Variants in NCOA1 observed in about 807,000 individuals in gnomAD.
NCOA1 encodes Hin-2 protein.
Under a neutral mutation model 150.9 loss-of-function variants are expected in NCOA1, and 35 were observed. The observed-to-expected ratio is 0.23, with a 90% confidence interval of 0.18 to 0.31. The LOEUF is 0.31. Ranked by LOEUF, NCOA1 falls within the 10% of genes least tolerant of loss-of-function variation. The pLI, the probability that NCOA1 is intolerant of heterozygous loss-of-function variation, is 1.00. For missense variants in NCOA1, 1,491 were observed against 1,749.3 expected (o/e 0.85, Z 2.63); for synonymous variants, 590 against 630.0 (o/e 0.94, Z 0.95).
intron 1 of NCOA1, among the ~76,000 whole-genome samples, chr2:24,527,241 T>C (rs1386149716): frequency 1.3e-5 from 2 of 152,218 alleles, no homozygotes; most frequent in South Asian, 2.1e-4. Context: ...ATAGTCCTGA[T>C]GTTGTACATT....
At chr2:24,533,335 G>A (rs1185428591) in intron 1 of NCOA1, among the ~76,000 whole-genome samples, 4 of 152,162 alleles carry the variant, frequency 2.6e-5, no homozygotes, top group African/African-American at 9.7e-5. Flanking sequence ...ATTAGCTTAA[G>A]GAGATTTTGG....
At chr2:24,652,367 C>T (rs1670745286) in intron 4 of NCOA1, among the ~76,000 whole-genome samples, 1 of 152,046 alleles carries the variant, frequency 6.6e-6, no homozygotes, top group South Asian at 2.1e-4. Context: ...TAGTTCAGAT[C>T]TCTATTTATC....
chr2:24,643,926 T>C (rs774086895), intron 3 of NCOA1, 40 bp from the exon 4 acceptor site: 10 of 152,196 alleles, frequency 6.6e-5, no homozygotes, highest in African/African-American at 1.2e-4. Context: ...AATGGCAATC[T>C]AACGTCCCTT....
intron 17 of NCOA1, among the ~76,000 whole-genome samples, chr2:24,733,756 A>T (rs1280670087): frequency 6.6e-6 from 1 of 152,132 alleles, no homozygotes; most frequent in Non-Finnish European, 1.5e-5. Context: ...AAACAAAACA[A>T]AACAAAACAA....
chr2:24,691,733 A>C, intron 9 of NCOA1, 73 bp downstream of exon 9: 1 of 1,492,732 alleles, frequency 6.7e-7, no homozygotes, highest in Non-Finnish European at 9.1e-7. Context: ...AATTAATTAT[A>C]AACTGCCTTT....
chr2:24,723,565 A>G (rs949354699), intron 14 of NCOA1, among the ~76,000 whole-genome samples: 4 of 152,130 alleles, frequency 2.6e-5, no homozygotes, highest in African/African-American at 7.2e-5. Flanking sequence ...TTGCCAATAC[A>G]TTGAATTATG....
At chr2:24,678,011 A>G (rs1396426736) in intron 7 of NCOA1, among the ~76,000 whole-genome samples, 1 of 151,930 alleles carries the variant, frequency 6.6e-6, no homozygotes, top group Admixed American at 6.6e-5. Context: ...TCCATTAGCT[A>G]TTCTTCCTCA....
At chr2:24,733,405 GAAAC>G (rs1188435194) in intron 17 of NCOA1, among the ~76,000 whole-genome samples, 1 of 152,156 alleles carries the variant, frequency 6.6e-6, no homozygotes, top group African/African-American at 2.4e-5. Flanking sequence ...ACATGAGAAA[GAAAC>G]AAAATTATAT....
chr2:24,726,859 C>T (rs1251070786), intron 15 of NCOA1, among the ~76,000 whole-genome samples, 153 bp downstream of exon 15: 2 of 150,588 alleles, frequency 1.3e-5, no homozygotes, highest in Non-Finnish European at 3.0e-5. Flanking sequence ...AAAGTGGGCC[C>T]GGTGCAGTGG....
chr2:24,765,835 G>C (rs1335063847), intron 22 of NCOA1, among the ~76,000 whole-genome samples: 1 of 150,566 alleles, frequency 6.6e-6, no homozygotes, highest in Non-Finnish European at 1.5e-5. Flanking sequence ...TTAAGTAATA[G>C]TTTGAAATGG....
At chr2:24,709,528 CTT>C (rs767983564) in intron 13 of NCOA1, among the ~76,000 whole-genome samples, 17 of 152,084 alleles carry the variant, frequency 1.1e-4, no homozygotes, top group Admixed American at 4.6e-4. Flanking sequence ...TGCTTATTGA[CTT>C]TTAAGAGTTC....
intron 10 of NCOA1, among the ~76,000 whole-genome samples, chr2:24,693,773 A>T (rs1019722279): frequency 7.9e-5 from 12 of 152,086 alleles, no homozygotes; most frequent in Non-Finnish European, 1.5e-4. Flanking sequence ...TTTAGCACAT[A>T]CCGATTGAGT....
chr2:24,668,817 C>T (rs1234922892), intron 6 of NCOA1, among the ~76,000 whole-genome samples: 1 of 149,650 alleles, frequency 6.7e-6, no homozygotes, highest in Non-Finnish European at 1.5e-5. Context: ...AAAAAAGGAA[C>T]GCATAAGAGT....
At chr2:24,497,709 A>G (rs74439493) in intron 1 of NCOA1, among the ~76,000 whole-genome samples, 4,969 of 151,934 alleles carry the variant, frequency 0.033, 105 homozygotes, top group African/African-American at 0.058. Context: ...TTCTGGTCTC[A>G]CCTTTGTACT....
intron 3 of NCOA1, among the ~76,000 whole-genome samples, chr2:24,594,103 G>A (rs564916903): frequency 6.6e-6 from 1 of 151,966 alleles, no homozygotes; most frequent in South Asian, 2.1e-4. Context: ...AAGTAAACAC[G>A]GTACTAGATT....
intron 2 of NCOA1, among the ~76,000 whole-genome samples, chr2:24,576,149 GTTTTTT>G (rs1183405187): frequency 3.2e-5 from 3 of 94,026 alleles, no homozygotes; most frequent in Admixed American, 1.2e-4. Flanking sequence ...TTTGGCCTTT[GTTTTTT>G]TTTTTTTGTT....
intron 17 of NCOA1, among the ~76,000 whole-genome samples, chr2:24,738,645 A>G (rs542977755): frequency 4.0e-4 from 61 of 152,288 alleles, no homozygotes; most frequent in South Asian, 8.3e-4. Context: ...GCGATCCACA[A>G]TGTGCTTTTG....
intron 3 of NCOA1, among the ~76,000 whole-genome samples, chr2:24,610,458 A>G (rs1364397950): frequency 1.3e-5 from 2 of 151,672 alleles, no homozygotes; most frequent in Admixed American, 1.3e-4. Flanking sequence ...TGCATTCTGA[A>G]TTGTTTTGTC....
intron 1 of NCOA1, among the ~76,000 whole-genome samples, chr2:24,554,103 C>G (rs530060594): frequency 2.0e-5 from 3 of 152,168 alleles, no homozygotes; most frequent in African/African-American, 7.2e-5. Context: ...TTTGATCACT[C>G]TGGTTAGAAA....
Sources: allele counts gnomAD v4.1 joint callset (sites outside exome capture counted in the v4.1 genomes callset), GRCh38; gene constraint gnomAD v4.1.1; transcripts MANE v1.5; gene names NCBI Gene and HGNC (gene_info 2026-07-23, HGNC 2026-07-21).